PDE7A: variants seen among roughly 807,000 people sequenced by gnomAD.
PDE7A encodes high affinity 3',5'-cyclic-AMP phosphodiesterase 7A.
Under a neutral mutation model 64.3 loss-of-function variants are expected in PDE7A, and 39 were observed. That is an observed-to-expected ratio of 0.61 (90% CI 0.47 to 0.79). PDE7A has a LOEUF of 0.79. Ranked by LOEUF, PDE7A falls within the 30% of genes least tolerant of loss-of-function variation. PDE7A has a pLI of 0.00. For missense variants in PDE7A, 470 were observed against 582.8 expected (o/e 0.81, Z 1.99); for synonymous variants, 203 against 206.8 (o/e 0.98, Z 0.16).
At chr8:65,762,954 TAGTG>T (rs889338918) in intron 3 of PDE7A, among the ~76,000 whole-genome samples, 59 of 151,158 alleles carry the variant, frequency 3.9e-4, no homozygotes, top group African/African-American at 1.4e-3. Flanking sequence ...CTGGGCAACA[TAGTG>T]AGCCTCCATC....
At chr8:65,760,138 G>C (rs1425518708) in intron 3 of PDE7A, among the ~76,000 whole-genome samples, 1 of 152,102 alleles carries the variant, frequency 6.6e-6, no homozygotes, top group Non-Finnish European at 1.5e-5. Context: ...TACTTGAGAG[G>C]CTGAAACAGG....
chr8:65,752,801 T>C (rs1159626461), intron 3 of PDE7A, among the ~76,000 whole-genome samples: 1 of 152,216 alleles, frequency 6.6e-6, no homozygotes, highest in Non-Finnish European at 1.5e-5. Flanking sequence ...AACACCTTTA[T>C]GTGTTTTCTA....
intron 3 of PDE7A, among the ~76,000 whole-genome samples, chr8:65,774,208 T>G (rs1585907072): frequency 1.3e-5 from 2 of 152,344 alleles, no homozygotes; most frequent in East Asian, 3.8e-4. Flanking sequence ...TTGCTTCCTT[T>G]TCTAAAACAA....
chr8:65,826,040 G>T (rs1810664823), intron 1 of PDE7A, among the ~76,000 whole-genome samples: 1 of 152,158 alleles, frequency 6.6e-6, no homozygotes, highest in South Asian at 2.1e-4. Context: ...ATGGAGCCAT[G>T]GGAAGAGCCT....
At chr8:65,829,963 G>C (rs148680816) in intron 1 of PDE7A, among the ~76,000 whole-genome samples, 80 of 152,214 alleles carry the variant, frequency 5.3e-4, no homozygotes, top group Non-Finnish European at 5.0e-4. Context: ...AGAGTAAAGA[G>C]AATTGATGAT....
In PDE7A at chr8:65,730,578, G is replaced by A. The variant is rs184110524; in HGVS notation, c.697-3277C>T. ...CCCATCCAAGGAAATATTGTCTTCC[G>A]TGAAACTGGTCCCTGATGCCAAAAA... On this transcript the variant is annotated intron_variant, in intron 7 of 12. Transcript: ENST00000401827. Among the ~76,000 whole-genome samples, 8 of 152,186 alleles carry A rather than the reference G, an allele frequency of 5.3e-5. No individual in the cohort carries two copies. In the East Asian group the frequency reaches 5.8e-4, roughly 11 times the overall value.
chr8:65,752,229 C>T (rs1808003917), intron 3 of PDE7A, among the ~76,000 whole-genome samples: 2 of 152,100 alleles, frequency 1.3e-5, no homozygotes, highest in Admixed American at 1.3e-4. Context: ...CTTATCTCTA[C>T]TTTCATTTTA....
chr8:65,764,119 A>G (rs978275943), intron 3 of PDE7A, among the ~76,000 whole-genome samples: 10 of 152,216 alleles, frequency 6.6e-5, no homozygotes, highest in Non-Finnish European at 8.8e-5. Context: ...GCTAATCTCT[A>G]CAAGCACCAC....
chr8:65,735,373 A>G (rs1046064174), intron 6 of PDE7A, among the ~76,000 whole-genome samples: 1 of 152,024 alleles, frequency 6.6e-6, no homozygotes, highest in African/African-American at 2.4e-5. Flanking sequence ...CAGTGACATG[A>G]TCATGGCTCA....
intron 3 of PDE7A, among the ~76,000 whole-genome samples, chr8:65,774,270 T>C (rs1809193589): frequency 6.6e-6 from 1 of 152,148 alleles, no homozygotes; most frequent in Non-Finnish European, 1.5e-5. Flanking sequence ...ATCCTCATGC[T>C]AATAAATATT....
intron 3 of PDE7A, among the ~76,000 whole-genome samples, chr8:65,773,264 A>G (rs936220457): frequency 4.0e-4 from 61 of 152,118 alleles, no homozygotes; most frequent in African/African-American, 1.4e-3. Context: ...AGAATAATGC[A>G]TTTTTCTCTA....
intron 1 of PDE7A, among the ~76,000 whole-genome samples, chr8:65,839,398 C>CA (rs1811023875): frequency 6.9e-6 from 1 of 145,386 alleles, no homozygotes; most frequent in African/African-American, 2.5e-5. Flanking sequence ...TTTCTGTCTC[C>CA]TTTTTTTTTT....
At position 65,841,976 on chromosome 8, in the gene PDE7A, G is replaced by A; in HGVS notation, c.-468C>T. ...GCGACCAGCTCGGGCCGCCGCCGCC[G>A]CCGCCGCCGCCGCCGCCGGAGTCCT... On this transcript the variant is annotated 5_prime_UTR_variant, in exon 1 of 13. Transcript: ENST00000401827. The A allele has an allele frequency of 2.0e-5, 5 of 251,814 alleles. No homozygotes were observed. The highest frequency in any genetic ancestry group is 1.1e-4 in the South Asian group (3 of 26,562). 15.6% of individuals were successfully genotyped at this position (251,814 alleles called of 1,614,324 possible).
intron 1 of PDE7A, among the ~76,000 whole-genome samples, chr8:65,818,921 C>T (rs940414713): frequency 1.6e-4 from 24 of 152,322 alleles, no homozygotes; most frequent in Middle Eastern, 3.4e-3. Flanking sequence ...TCCTGCTTCT[C>T]ACTGGCAGTA....
intron 3 of PDE7A, among the ~76,000 whole-genome samples, chr8:65,751,001 C>T (rs1807925561): frequency 1.3e-5 from 2 of 152,116 alleles, no homozygotes; most frequent in East Asian, 1.9e-4. Flanking sequence ...AGAAATGGAC[C>T]TTCACTTAAT....
At chr8:65,776,814 C>G (rs1809272173) in intron 3 of PDE7A, among the ~76,000 whole-genome samples, 1 of 152,130 alleles carries the variant, frequency 6.6e-6, no homozygotes, top group Non-Finnish European at 1.5e-5. Context: ...AAAAATGATA[C>G]TTTTTCTTTT....
At chr8:65,800,806 A>G (rs768735773) in intron 1 of PDE7A, among the ~76,000 whole-genome samples, 46 of 152,082 alleles carry the variant, frequency 3.0e-4, no homozygotes, top group Admixed American at 1.2e-3. Flanking sequence ...TCAAACAGAA[A>G]CTCCTTTTAG....
chr8:65,814,308 G>A (rs1005809602), intron 1 of PDE7A, among the ~76,000 whole-genome samples: 17 of 151,380 alleles, frequency 1.1e-4, no homozygotes, highest in African/African-American at 3.4e-4. Context: ...TCAGGAGATC[G>A]AGACCATCCC....
At chr8:65,838,529 C>A (rs1811003859) in intron 1 of PDE7A, 1 of 152,180 alleles carries the variant, frequency 6.6e-6, no homozygotes, top group Non-Finnish European at 1.5e-5. Context: ...TTCCAGGTAA[C>A]TCAAGCTTGT....
Sources: gnomAD v4.1 joint callset for allele counts (sites outside exome capture counted in the v4.1 genomes callset) on GRCh38, gnomAD v4.1.1 for gene constraint, MANE v1.5 for transcripts, NCBI Gene and HGNC (gene_info 2026-07-23, HGNC 2026-07-21) for gene names.